Variants in PDZRN3 observed in about 807,000 individuals in gnomAD.
PDZRN3 encodes the protein E3 ubiquitin-protein ligase PDZRN3.
PDZRN3 carries 38 observed loss-of-function variants against 85.7 expected under a neutral mutation model. The observed-to-expected ratio is 0.44, with a 90% CI of 0.34 to 0.58. The LOEUF is 0.58. Ranked by LOEUF, PDZRN3 falls within the 20% of genes least tolerant of loss-of-function variation. The probability of loss-of-function intolerance (pLI) is 0.01; values close to 1 mark genes in which losing one functional copy is unlikely to be tolerated. For missense variants in PDZRN3, 1,629 were observed against 1,506.4 expected (o/e 1.08, Z -1.35); for synonymous variants, 759 against 638.0 (o/e 1.19, Z -2.86).
At chr3:73,588,457 G>A (rs1455482391) in intron 3 of PDZRN3, among the ~76,000 whole-genome samples, 1 of 152,180 alleles carries the variant, frequency 6.6e-6, no homozygotes, top group East Asian at 1.9e-4. Context: ...ACATCTTGGT[G>A]TATTTACACA....
rs919060316 is a variant in PDZRN3, at chr3:73,624,843, G to A, written c.-18C>T. ...AAGCCCATGGTGGCGGCCAGGCCCC[G>A]GGGTCGCCGCCGGGCGGCCGGGCGC... On this transcript the variant is annotated 5_prime_UTR_variant, in exon 1 of 10. Coordinates refer to ENST00000263666, the MANE Select transcript of PDZRN3 (RefSeq NM_015009.3). 2.3e-6 allele frequency: 3 copies of A among 1,279,356 alleles called. No homozygotes were observed. In the South Asian group the frequency reaches 8.3e-5, roughly 35 times the overall value. The allele number at this position is 1,279,356 out of a possible 1,614,324, so 79.3% of individuals were successfully genotyped here.
intron 3 of PDZRN3, among the ~76,000 whole-genome samples, chr3:73,417,446 G>A (rs981543845): frequency 6.6e-5 from 10 of 152,194 alleles, no homozygotes; most frequent in African/African-American, 1.2e-4. Context: ...GTGTGTGCAC[G>A]TGCGGGGAAA....
At chr3:73,586,730 A>G (rs1334933791) in intron 3 of PDZRN3, among the ~76,000 whole-genome samples, 1 of 152,194 alleles carries the variant, frequency 6.6e-6, no homozygotes, top group Non-Finnish European at 1.5e-5. Flanking sequence ...AAGCATCCCC[A>G]TCAAACATCA....
intron 1 of PDZRN3, among the ~76,000 whole-genome samples, chr3:73,614,884 A>G (rs1159124101): frequency 6.6e-6 from 1 of 152,144 alleles, no homozygotes; most frequent in African/African-American, 2.4e-5. Context: ...TTGTAATTCA[A>G]CCCAGCTCTA....
At chr3:73,602,250 C>A in intron 3 of PDZRN3, 104 bp downstream of exon 3, 1 of 684,510 alleles carries the variant, frequency 1.5e-6, no homozygotes, top group Middle Eastern at 2.5e-4. Flanking sequence ...GCTCAACCAT[C>A]TACCACTTTA....
intron 3 of PDZRN3, chr3:73,408,113 A>G (rs1197704099): frequency 1.4e-6 from 1 of 702,456 alleles, no homozygotes. Flanking sequence ...CAGTTCAAAT[A>G]AGCCCCTCCA....
Position 73,384,814 on chromosome 3 carries a change from C to G in PDZRN3, c.1752G>C (p.Ser584=), listed in dbSNP as rs200908126. 1 of 1,613,992 alleles carries G rather than the reference C, an allele frequency of 6.2e-7. No homozygotes were observed. The highest frequency in any genetic ancestry group is 8.5e-7 in the Non-Finnish European group (1 of 1,180,052). The change falls in exon 10 of 10, where the codon TCG becomes TCC. Residue 584 remains serine (S), a synonymous_variant. Coordinates refer to ENST00000263666, the MANE Select transcript of PDZRN3 (RefSeq NM_015009.3). ...CGTCGTCGCCATTGTTCTCTTGCTCCGAGCTCTCGTCATTACGGGTGCTCT... is the reference window on the plus strand; with the variant it reads ...CGTCGTCGCCATTGTTCTCTTGCTCGGAGCTCTCGTCATTACGGGTGCTCT... ...TDESTRNDES[S]EQENNGDDAT... is the part of the protein sequence containing the mutation.
At chr3:73,568,833 T>C (rs1341865824) in intron 3 of PDZRN3, among the ~76,000 whole-genome samples, 1 of 152,246 alleles carries the variant, frequency 6.6e-6, no homozygotes, top group Non-Finnish European at 1.5e-5. Flanking sequence ...AAACAGGTGA[T>C]ATGCATATCC....
chr3:73,491,258 A>C (rs901401189), intron 3 of PDZRN3, among the ~76,000 whole-genome samples: 2 of 152,110 alleles, frequency 1.3e-5, no homozygotes, highest in African/African-American at 2.4e-5. Context: ...GAGTGTACTA[A>C]GATTAGCCTA....
intron 3 of PDZRN3, among the ~76,000 whole-genome samples, chr3:73,459,000 AAAAAAAAAG>A (rs1434140197): frequency 1.3e-5 from 2 of 151,322 alleles, no homozygotes; most frequent in Non-Finnish European, 1.5e-5. Context: ...TCAAACAAAA[AAAAAAAAAG>A]AAAAAAAAGA....
intron 3 of PDZRN3, among the ~76,000 whole-genome samples, chr3:73,549,533 T>C (rs558113490): frequency 1.3e-5 from 2 of 152,288 alleles, no homozygotes; most frequent in South Asian, 4.2e-4. Context: ...ATGCAGCAAG[T>C]ACACTCCTGG....
intron 3 of PDZRN3, among the ~76,000 whole-genome samples, chr3:73,451,826 C>A (rs145894345): frequency 1.3e-5 from 2 of 150,710 alleles, no homozygotes; most frequent in African/African-American, 5.0e-5. Flanking sequence ...CCTATTGAAT[C>A]CCGCAGATGC....
chr3:73,446,831 G>A (rs774421631), intron 3 of PDZRN3, among the ~76,000 whole-genome samples: 2 of 151,712 alleles, frequency 1.3e-5, no homozygotes, highest in Non-Finnish European at 2.9e-5. Flanking sequence ...CTACTGCATC[G>A]AGTGAGTAGG....
chr3:73,537,659 G>A (rs138012789), intron 3 of PDZRN3, among the ~76,000 whole-genome samples: 169 of 151,888 alleles, frequency 1.1e-3, no homozygotes, highest in African/African-American at 4.0e-3. Context: ...TCACTCTGTC[G>A]CCCAGGCTGG....
intron 3 of PDZRN3, among the ~76,000 whole-genome samples, chr3:73,560,203 G>A (rs533446423): frequency 1.7e-4 from 26 of 152,270 alleles, no homozygotes; most frequent in African/African-American, 6.0e-4. Flanking sequence ...AAACATTTTC[G>A]AAGAGCTCCT....
At chr3:73,399,476 T>C (rs1341725891) in intron 5 of PDZRN3, among the ~76,000 whole-genome samples, 1 of 152,180 alleles carries the variant, frequency 6.6e-6, no homozygotes, top group Non-Finnish European at 1.5e-5. Flanking sequence ...ATCTGTTTCG[T>C]TGTCTTCAGT....
intron 3 of PDZRN3, among the ~76,000 whole-genome samples, chr3:73,411,032 AG>A (rs1701956811): frequency 6.6e-6 from 1 of 152,258 alleles, no homozygotes; most frequent in African/African-American, 2.4e-5. Context: ...ACATCTCCTA[AG>A]TTCTTTGCAA....
intron 3 of PDZRN3, among the ~76,000 whole-genome samples, chr3:73,586,705 C>G (rs938141873): frequency 3.5e-4 from 54 of 152,168 alleles, no homozygotes; most frequent in Non-Finnish European, 4.4e-5. Context: ...AGGCAATCAC[C>G]ACACATGCCA....
At chr3:73,412,080 C>A (rs761403928) in intron 3 of PDZRN3, among the ~76,000 whole-genome samples, 1 of 152,150 alleles carries the variant, frequency 6.6e-6, no homozygotes, top group Non-Finnish European at 1.5e-5. Flanking sequence ...TTTAAGTTCA[C>A]AATATAGAAG....
Sources: gnomAD v4.1 joint callset for allele counts (sites outside exome capture counted in the v4.1 genomes callset) on GRCh38, gnomAD v4.1.1 for gene constraint, MANE v1.5 for transcripts, NCBI Gene and HGNC (gene_info 2026-07-23, HGNC 2026-07-21) for gene names.